MBNL1: variants seen among roughly 807,000 people sequenced by gnomAD.
The protein encoded by MBNL1 is muscleblind-like protein 1.
In MBNL1, 8 loss-of-function variants were observed where a neutral mutation model predicts 42.2. That is an observed-to-expected ratio of 0.19 (90% CI 0.11 to 0.34). The LOEUF (loss-of-function observed/expected upper bound fraction) is 0.34, where lower values mean the gene tolerates loss of function less well. Among genes scored for constraint, MBNL1 ranks in the 10% least tolerant of loss-of-function variants. The probability of loss-of-function intolerance (pLI) is 1.00; values close to 1 mark genes in which losing one functional copy is unlikely to be tolerated. For missense variants in MBNL1, 309 were observed against 495.3 expected (o/e 0.62, Z 3.57); for synonymous variants, 169 against 173.9 (o/e 0.97, Z 0.22).
rs539814907 is a variant in MBNL1 at position 152,297,032 on chromosome 3, A to T, written c.-789-2373A>T. On this transcript the variant is annotated intron_variant, in intron 1 of 9. Transcript: ENST00000324210. ...ATATGGATGGATAGAGATGGGGATA[A>T]TGACATCTTGGTAGCTTTTTGGAGG... Among the ~76,000 whole-genome samples the T allele has an allele frequency of 6.0e-4, 92 of 152,330 alleles. 1 individual carries two copies. The highest frequency in any genetic ancestry group is 1.1e-3 in the Non-Finnish European group (74 of 68,032).
intron 9 of MBNL1, among the ~76,000 whole-genome samples, chr3:152,461,533 T>A (rs1179728257): frequency 6.6e-6 from 1 of 152,232 alleles, no homozygotes; most frequent in Non-Finnish European, 1.5e-5. Context: ...AAAAAATTTC[T>A]AAAAATAATT....
At position 152,341,059 on chromosome 3, in the gene MBNL1, A is replaced by G. The variant is rs944759713; in HGVS notation, c.174+40692A>G. On this transcript the variant is annotated intron_variant, in intron 2 of 9. Coordinates refer to ENST00000324210, the MANE Select transcript of MBNL1 (RefSeq NM_021038.5). ...GTTTAACAAAGCATTTTATTCATAT[A>G]TGAAAACATTCAAGTTTATTCCCTC... 30 of 952,546 alleles carry G rather than the reference A, an allele frequency of 3.1e-5. No homozygotes were observed. In the Admixed American group the frequency reaches 1.0e-3, roughly 32 times the overall value. The allele number at this position is 952,546 out of a possible 1,614,324, so 59.0% of individuals were successfully genotyped here.
chr3:152,419,685 T>TTTGTTTG (rs1369423809), intron 3 of MBNL1, among the ~76,000 whole-genome samples: 2 of 149,194 alleles, frequency 1.3e-5, no homozygotes, highest in Non-Finnish European at 3.0e-5. Context: ...GCAGGAGTTT[T>TTTGTTTG]TTTGTTTGTT....
Position 152,286,862 on chromosome 3 carries a change from A to G in MBNL1, c.-789-12543A>G, listed in dbSNP as rs141309903. Among the ~76,000 whole-genome samples, 362 of 152,216 alleles carry G rather than the reference A, an allele frequency of 2.4e-3. 1 individual carries two copies. Among genetic ancestry groups the G allele is most frequent in the African/African-American group, 8.5e-3 (355 of 41,526 alleles). ...TTTTTACCAGTGAAGTAGCTTTTGC[A>G]TGCTAAGTTGTAGTGAACTGCTGGG... On this transcript the variant is annotated intron_variant, in intron 1 of 9. Transcript: ENST00000324210.
chr3:152,388,449 G>A (rs773213322), intron 2 of MBNL1, among the ~76,000 whole-genome samples: 1 of 152,182 alleles, frequency 6.6e-6, no homozygotes, highest in African/African-American at 2.4e-5. Context: ...TAGCTTTTCA[G>A]CTTTTATTAA....
chr3:152,414,659 G>A (rs1402093359), intron 2 of MBNL1, among the ~76,000 whole-genome samples: 1 of 152,126 alleles, frequency 6.6e-6, no homozygotes, highest in African/African-American at 2.4e-5. Flanking sequence ...CTAGCAGTTT[G>A]TAGATTTTTA....
chr3:152,305,101 C>T (rs6784925), intron 2 of MBNL1, among the ~76,000 whole-genome samples: 82,388 of 151,938 alleles, frequency 0.54, 22,775 homozygotes, highest in Middle Eastern at 0.62. Flanking sequence ...GCACTTACAG[C>T]TGAATTCAGT....
At chr3:152,340,948 T>C in intron 2 of MBNL1, 1 of 1,536,664 alleles carries the variant, frequency 6.5e-7, no homozygotes, top group Middle Eastern at 2.1e-4. Context: ...GCAGCAGGCC[T>C]GCACCTATAC....
rs2036276946 is a variant in MBNL1, at chr3:152,261,549, T to C, written n.333+17109T>C. 2.6e-5 allele frequency among the ~76,000 whole-genome samples: 4 copies of C among 152,144 alleles called. No individual in the cohort carries two copies. In the South Asian group the frequency reaches 8.3e-4, roughly 32 times the overall value. On this transcript the variant is annotated intron_variant and non_coding_transcript_variant, in intron 2 of 2. Transcript: ENST00000477171. ...AGCCTCATTCTCGCCTTAGTGTGAA[T>C]GACTTTAATCAGATAATCTCCTATC...
At chr3:152,413,953 ACTT>A (rs2098647918) in intron 2 of MBNL1, among the ~76,000 whole-genome samples, 1 of 152,154 alleles carries the variant, frequency 6.6e-6, no homozygotes, top group African/African-American at 2.4e-5. Context: ...TTTTATAGTA[ACTT>A]CTTTTTTTTG....
chr3:152,291,418 C>T (rs546853206), intron 1 of MBNL1, among the ~76,000 whole-genome samples: 2 of 152,264 alleles, frequency 1.3e-5, no homozygotes, highest in South Asian at 2.1e-4. Context: ...TTAACTTCAT[C>T]GCCTCATGTT....
At chr3:152,356,515 G>A (rs1460896045) in intron 2 of MBNL1, among the ~76,000 whole-genome samples, 2 of 152,130 alleles carry the variant, frequency 1.3e-5, no homozygotes, top group Non-Finnish European at 2.9e-5. Flanking sequence ...TCACTTGGTC[G>A]CTGGAGTGCA....
At chr3:152,270,553 C>G (rs1175650092) in intron 1 of MBNL1, among the ~76,000 whole-genome samples, 1 of 152,120 alleles carries the variant, frequency 6.6e-6, no homozygotes, top group Non-Finnish European at 1.5e-5. Flanking sequence ...TATTATCACC[C>G]AGAGAGAAAA....
At chr3:152,358,895 C>G (rs937807689) in intron 2 of MBNL1, among the ~76,000 whole-genome samples, 1 of 152,098 alleles carries the variant, frequency 6.6e-6, no homozygotes. Context: ...CAGGTATGAG[C>G]CACCGTGCCC....
intron 1 of MBNL1, among the ~76,000 whole-genome samples, chr3:152,278,557 A>G (rs1259437397): frequency 6.6e-6 from 1 of 152,174 alleles, no homozygotes; most frequent in Non-Finnish European, 1.5e-5. Context: ...AAAATTGCCT[A>G]CGGGAAATGA....
intron 3 of MBNL1, among the ~76,000 whole-genome samples, chr3:152,424,303 T>C (rs916401676): frequency 6.6e-6 from 1 of 152,152 alleles, no homozygotes; most frequent in African/African-American, 2.4e-5. Flanking sequence ...AGCCAAATCA[T>C]GAGTGAACTC....
At chr3:152,441,477 C>CA (rs56787290) in intron 4 of MBNL1, among the ~76,000 whole-genome samples, 2,419 of 152,240 alleles carry the variant, frequency 0.016, 55 homozygotes, top group African/African-American at 0.055. Context: ...AACTGGAACT[C>CA]ACAATTTTTG....
At chr3:152,368,038 C>T (rs2096492072) in intron 2 of MBNL1, among the ~76,000 whole-genome samples, 1 of 151,722 alleles carries the variant, frequency 6.6e-6, no homozygotes, top group South Asian at 2.1e-4. Context: ...AATTAGATCA[C>T]AATTGTCAAT....
chr3:152,340,799 C>T, intron 2 of MBNL1: 1 of 1,614,022 alleles, frequency 6.2e-7, no homozygotes, highest in Non-Finnish European at 8.5e-7. Flanking sequence ...GGGGACTGGA[C>T]AGAACCTACT....
Sources: allele counts gnomAD v4.1 joint callset (sites outside exome capture counted in the v4.1 genomes callset), GRCh38; gene constraint gnomAD v4.1.1; transcripts MANE v1.5; gene names NCBI Gene and HGNC (gene_info 2026-07-23, HGNC 2026-07-21).